UNC5D: variants seen among roughly 807,000 people sequenced by gnomAD.
UNC5D encodes netrin receptor UNC5D.
UNC5D carries 39 observed loss-of-function variants against 105.4 expected under a neutral mutation model. The observed-to-expected ratio is 0.37, with a 90% CI of 0.29 to 0.48. The LOEUF (loss-of-function observed/expected upper bound fraction) is 0.48. Among genes scored for constraint, UNC5D ranks in the 20% least tolerant of loss-of-function variants. UNC5D has a pLI of 0.98. For missense variants in UNC5D, 991 were observed against 1,202.4 expected, an observed-to-expected ratio of 0.82 and a Z score of 2.60; for synonymous variants, 452 against 450.4, an observed-to-expected ratio of 1.00 and a Z score of -0.04.
At chr8:35,701,407 G>A (rs1035334134) in intron 7 of UNC5D, among the ~76,000 whole-genome samples, 1 of 152,164 alleles carries the variant, frequency 6.6e-6, no homozygotes, top group African/African-American at 2.4e-5. Flanking sequence ...CCTACTCTCT[G>A]TAGTCCCAGG....
intron 7 of UNC5D, among the ~76,000 whole-genome samples, chr8:35,691,087 CA>C (rs1826359455): frequency 6.6e-6 from 1 of 152,162 alleles, no homozygotes; most frequent in Non-Finnish European, 1.5e-5. Context: ...TCTGAATGAT[CA>C]CTTTAATATT....
In UNC5D at chr8:35,650,939, T is replaced by C. The variant is rs568250325; in HGVS notation, c.571-32608T>C. On this transcript the variant is annotated intron_variant, in intron 4 of 16. Transcript: ENST00000404895. ...ATGTCTCATCTGTCCCATTAAGTCC[T>C]TTCAAAGTCTGGTAGTCTTCTTAGT... is the stretch of plus-strand genomic sequence containing the variant. Among the ~76,000 whole-genome samples, 35 of 152,328 alleles carry C rather than the reference T, an allele frequency of 2.3e-4. No homozygotes were observed. The South Asian group carries it at 5.2e-3, about 23-fold the overall frequency.
At chr8:35,248,975 ATT>A in intron 1 of UNC5D, among the ~76,000 whole-genome samples, 1 of 90,088 alleles carries the variant, frequency 1.1e-5, no homozygotes, top group African/African-American at 4.6e-5. Context: ...TATATTATAT[ATT>A]TTTATATAAT....
chr8:35,300,021 A>G (rs1317532720), intron 1 of UNC5D, among the ~76,000 whole-genome samples: 2 of 152,352 alleles, frequency 1.3e-5, no homozygotes, highest in East Asian at 3.9e-4. Flanking sequence ...AATACTGGAA[A>G]GATAAATCAG....
At chr8:35,607,270 A>G (rs908806076) in intron 4 of UNC5D, among the ~76,000 whole-genome samples, 6 of 152,194 alleles carry the variant, frequency 3.9e-5, no homozygotes, top group African/African-American at 1.4e-4. Context: ...ACACATTTCC[A>G]AATTGTAGTT....
intron 1 of UNC5D, among the ~76,000 whole-genome samples, chr8:35,383,456 C>T (rs1423859496): frequency 6.6e-6 from 1 of 152,202 alleles, no homozygotes; most frequent in Non-Finnish European, 1.5e-5. Flanking sequence ...ATTGTATACC[C>T]ATTCCTTTGA....
At chr8:35,531,041 T>C (rs1488710250) in intron 1 of UNC5D, among the ~76,000 whole-genome samples, 1 of 150,608 alleles carries the variant, frequency 6.6e-6, no homozygotes, top group Non-Finnish European at 1.5e-5. Context: ...GTGTCTCTAT[T>C]TCCTTCAGTT....
intron 1 of UNC5D, among the ~76,000 whole-genome samples, chr8:35,420,829 G>A (rs1393608490): frequency 6.6e-6 from 1 of 151,966 alleles, no homozygotes; most frequent in African/African-American, 2.4e-5. Flanking sequence ...TACAGAAAGG[G>A]TAGGCCCAGG....
chr8:35,605,072 T>A (rs1820191086), intron 4 of UNC5D, among the ~76,000 whole-genome samples: 1 of 152,246 alleles, frequency 6.6e-6, no homozygotes, highest in Admixed American at 6.5e-5. Flanking sequence ...TCCAGCTTTG[T>A]TCCGTTGCTG....
intron 4 of UNC5D, among the ~76,000 whole-genome samples, chr8:35,655,000 T>A (rs962024299): frequency 6.6e-6 from 1 of 152,192 alleles, no homozygotes; most frequent in African/African-American, 2.4e-5. Flanking sequence ...AACTACAGAA[T>A]GTACTAGGAC....
At position 35,790,261 on chromosome 8, in the gene UNC5D, C is replaced by A. The variant is rs1802975837; in HGVS notation, c.2658-98C>A. On this transcript the variant is annotated intron_variant, in intron 16 of 16. Transcript: ENST00000404895. ...CTTTTTATCCCTACTATAATAACATCTATTAAAATTCATTTTTAATTCTCT... is the reference window on the plus strand; with the variant it reads ...CTTTTTATCCCTACTATAATAACATATATTAAAATTCATTTTTAATTCTCT... 4 of 1,285,898 alleles carry A rather than the reference C, an allele frequency of 3.1e-6. No homozygotes were observed. The East Asian group carries it at 9.7e-5, about 31-fold the overall frequency. The allele number at this position is 1,285,898 out of a possible 1,614,324, so 79.7% of individuals were successfully genotyped here.
chr8:35,487,204 A>C (rs1338712147), intron 1 of UNC5D, among the ~76,000 whole-genome samples: 1 of 145,938 alleles, frequency 6.9e-6, no homozygotes, highest in Admixed American at 7.4e-5. Flanking sequence ...ATGATATTGC[A>C]TGACGGTTAG....
chr8:35,534,970 C>T (rs984491402), intron 1 of UNC5D, among the ~76,000 whole-genome samples: 2 of 152,100 alleles, frequency 1.3e-5, no homozygotes, highest in South Asian at 4.1e-4. Flanking sequence ...TCTCATTCCT[C>T]TTAGGGCACA....
At chr8:35,519,228 T>TA (rs1813299452) in intron 1 of UNC5D, among the ~76,000 whole-genome samples, 1 of 152,162 alleles carries the variant, frequency 6.6e-6, no homozygotes, top group Admixed American at 6.5e-5. Context: ...TTTTAGGGCT[T>TA]AAAACTAAAA....
chr8:35,549,597 C>T, intron 2 of UNC5D, 87 bp downstream of exon 2: 9 of 1,284,310 alleles, frequency 7.0e-6, no homozygotes, highest in South Asian at 1.4e-5. Context: ...GGAAATCACC[C>T]CCCATTGCCT....
chr8:35,406,328 A>C (rs1024822831), intron 1 of UNC5D, among the ~76,000 whole-genome samples: 2 of 152,190 alleles, frequency 1.3e-5, no homozygotes, highest in Non-Finnish European at 2.9e-5. Context: ...TTTAGAAATC[A>C]TAAGTGATGT....
intron 1 of UNC5D, among the ~76,000 whole-genome samples, chr8:35,257,261 G>A (rs1003101405): frequency 2.6e-5 from 4 of 152,064 alleles, no homozygotes; most frequent in Admixed American, 1.3e-4. Flanking sequence ...CAGCCAACGC[G>A]CCCAGCCTGG....
At chr8:35,696,595 G>A (rs76004106) in intron 7 of UNC5D, among the ~76,000 whole-genome samples, 3,703 of 152,182 alleles carry the variant, frequency 0.024, 62 homozygotes, top group Non-Finnish European at 0.038. Flanking sequence ...CTACTGTTGT[G>A]AAAAACTCAG....
chr8:35,287,091 C>T (rs1465795643), intron 1 of UNC5D, among the ~76,000 whole-genome samples: 1 of 152,154 alleles, frequency 6.6e-6, no homozygotes, highest in African/African-American at 2.4e-5. Flanking sequence ...GGCTGCCAGC[C>T]ACCCCTCCAG....
Sources: allele counts gnomAD v4.1 joint callset (sites outside exome capture counted in the v4.1 genomes callset), GRCh38; gene constraint gnomAD v4.1.1; transcripts MANE v1.5; gene names NCBI Gene and HGNC (gene_info 2026-07-23, HGNC 2026-07-21).